PHLPP1: variants seen among roughly 807,000 people sequenced by gnomAD.
PHLPP1 encodes PH domain and leucine rich repeat protein phosphatase 1, also known as PH domain leucine-rich repeat-containing protein phosphatase 1.
In PHLPP1, 42 loss-of-function variants were observed where a neutral mutation model predicts 117.2. The observed-to-expected ratio is 0.36, with a 90% confidence interval of 0.28 to 0.46. The LOEUF is 0.46. Among genes scored for constraint, PHLPP1 ranks in the 20% least tolerant of loss-of-function variants. PHLPP1 has a pLI of 1.00. For synonymous variants in PHLPP1, 1,042 were observed against 970.7 expected (o/e 1.07, Z -1.37); for missense variants, 2,084 against 2,241.9 (o/e 0.93, Z 1.42).
chr18:62,811,035 A>G (rs1293680390), intron 1 of PHLPP1, among the ~76,000 whole-genome samples: 1 of 152,210 alleles, frequency 6.6e-6, no homozygotes, highest in Non-Finnish European at 1.5e-5. Context: ...GATATAGAGA[A>G]AAAGGTGATG....
intron 8 of PHLPP1, among the ~76,000 whole-genome samples, chr18:62,913,028 C>G (rs1917001570): frequency 6.6e-6 from 1 of 152,178 alleles, no homozygotes; most frequent in East Asian, 1.9e-4. Context: ...ATTGGAAACT[C>G]TTGTGTCATG....
At chr18:62,735,545 C>T (rs1911346776) in intron 1 of PHLPP1, among the ~76,000 whole-genome samples, 1 of 150,430 alleles carries the variant, frequency 6.6e-6, no homozygotes, top group Admixed American at 6.6e-5. Context: ...GCATACTTCC[C>T]CTTCCCAGCC....
chr18:62,747,435 G>A (rs1171848091), intron 1 of PHLPP1, among the ~76,000 whole-genome samples: 2 of 151,140 alleles, frequency 1.3e-5, no homozygotes, highest in South Asian at 2.1e-4. Context: ...GAGCCACAGC[G>A]CCCAGCCGAT....
chr18:62,975,536 G>A lies in PHLPP1; in HGVS notation c.3895G>A (p.Gly1299Arg), dbSNP rs988137454. The A allele has an allele frequency of 6.2e-7, 1 of 1,613,988 alleles. No individual in the cohort carries two copies. Among genetic ancestry groups the A allele is most frequent in the Non-Finnish European group, 8.5e-7 (1 of 1,179,854 alleles). Residue 1299 changes from glycine (G) to arginine (R), a missense_variant, in exon 16 of 17, where the codon GGA becomes AGA. Gly to Arg is a moderately radical substitution (Grantham distance 125). Coordinates refer to ENST00000262719, the MANE Select transcript of PHLPP1 (RefSeq NM_194449.4). ...GKCQTVLCRN[G>R]KPLPLSRSYI... ...GTGCCAAACAGTTCTCTGTCGAAATGGAAAGCCGCTGCCTCTGTCCAGATC... is the reference window on the plus strand; with the variant it reads ...GTGCCAAACAGTTCTCTGTCGAAATAGAAAGCCGCTGCCTCTGTCCAGATC...
At chr18:62,826,158 GTTT>G in intron 1 of PHLPP1, 3 of 276,844 alleles carry the variant, frequency 1.1e-5, no homozygotes, top group South Asian at 9.6e-5. Flanking sequence ...TTATTTATTT[GTTT>G]TTTTTTTTCT....
At chr18:62,957,507 C>T (rs558833522) in intron 12 of PHLPP1, among the ~76,000 whole-genome samples, 4 of 152,144 alleles carry the variant, frequency 2.6e-5, no homozygotes, top group African/African-American at 9.6e-5. Flanking sequence ...TTGCTTTTGC[C>T]AATTTCTTAT....
At chr18:62,838,745 G>C (rs1599075151) in intron 2 of PHLPP1, 39 bp from the exon 3 acceptor site, 2 of 1,606,864 alleles carry the variant, frequency 1.2e-6, no homozygotes, top group East Asian at 4.5e-5. Flanking sequence ...TGGTTCTGCT[G>C]TCTGACTTGT....
chr18:62,920,995 A>T (rs1909450950), intron 10 of PHLPP1, among the ~76,000 whole-genome samples: 1 of 152,234 alleles, frequency 6.6e-6, no homozygotes. Context: ...GTTGTTTTGA[A>T]TGGGAGGGAG....
intron 12 of PHLPP1, among the ~76,000 whole-genome samples, chr18:62,951,143 G>A (rs547268947): frequency 1.3e-5 from 2 of 151,898 alleles, no homozygotes; most frequent in African/African-American, 2.4e-5. Context: ...CACCACGCCC[G>A]GCTATTTTTT....
At chr18:62,873,036 T>C (rs892818787) in intron 4 of PHLPP1, among the ~76,000 whole-genome samples, 1 of 151,790 alleles carries the variant, frequency 6.6e-6, no homozygotes, top group Non-Finnish European at 1.5e-5. Context: ...CACTCCTTTT[T>C]ACACCTGCTG....
intron 6 of PHLPP1, among the ~76,000 whole-genome samples, chr18:62,897,961 GTTGT>G (rs1324430993): frequency 1.0e-5 from 1 of 95,484 alleles, no homozygotes; most frequent in Non-Finnish European, 2.9e-5. Context: ...TTGCATTGAT[GTTGT>G]TTGAGTTTGA....
chr18:62,781,497 C>A (rs558818645), intron 1 of PHLPP1, among the ~76,000 whole-genome samples: 1 of 152,184 alleles, frequency 6.6e-6, no homozygotes, highest in African/African-American at 2.4e-5. Flanking sequence ...CCACATCAGG[C>A]CTTTCCTGCC....
intron 3 of PHLPP1, among the ~76,000 whole-genome samples, chr18:62,849,603 T>A (rs1432359190): frequency 7.2e-6 from 1 of 137,932 alleles, no homozygotes; most frequent in Non-Finnish European, 1.5e-5. Flanking sequence ...GAAGCCAAGA[T>A]CGCACCATTG....
chr18:62,717,446 G>A (rs1456700826), intron 1 of PHLPP1, among the ~76,000 whole-genome samples, 187 bp downstream of exon 1: 5 of 152,108 alleles, frequency 3.3e-5, no homozygotes, highest in African/African-American at 1.2e-4. Context: ...AAATCTGCAC[G>A]TTTTATCAAT....
chr18:62,831,052 G>T (rs1280714253), intron 2 of PHLPP1, among the ~76,000 whole-genome samples: 1 of 152,134 alleles, frequency 6.6e-6, no homozygotes, highest in Admixed American at 6.5e-5. Context: ...CGGAGAAAAT[G>T]TGATGCAACG....
chr18:62,975,614 A>G lies in PHLPP1; in HGVS notation c.3973A>G (p.Ile1325Val). 2 of 1,607,574 alleles carry G rather than the reference A, an allele frequency of 1.2e-6. No individual in the cohort carries two copies. Among genetic ancestry groups the G allele is most frequent in the South Asian group, 2.2e-5 (2 of 90,970 alleles). ...ELKRIKQHKA[I>V]ITEDGKVNGV... ...GAAGAGGATTAAACAGCACAAGGCC[A>G]TTATCACTGAGGTGAGAAAACAGGG... Residue 1325 changes from isoleucine to valine, a missense_variant, in exon 16 of 17, where the codon ATT (isoleucine) becomes GTT (valine). By Grantham distance (29) the Ile-to-Val change is conservative. This residue lies in a region of PHLPP1 where 1,365 missense variants were observed against 1,605.9 expected (regional missense o/e 0.85). Transcript: ENST00000262719.
intron 2 of PHLPP1, among the ~76,000 whole-genome samples, chr18:62,835,135 T>C (rs1040008340): frequency 6.6e-6 from 1 of 152,118 alleles, no homozygotes; most frequent in Non-Finnish European, 1.5e-5. Context: ...TTTGTCTTAC[T>C]GTTACGGGCA....
At chr18:62,842,239 A>C (rs1209442731) in intron 3 of PHLPP1, among the ~76,000 whole-genome samples, 1 of 152,216 alleles carries the variant, frequency 6.6e-6, no homozygotes, top group African/African-American at 2.4e-5. Flanking sequence ...TGTCTGAACA[A>C]GTTACCTTTT....
At chr18:62,807,262 G>C (rs369350468) in intron 1 of PHLPP1, among the ~76,000 whole-genome samples, 1 of 151,694 alleles carries the variant, frequency 6.6e-6, no homozygotes, top group Non-Finnish European at 1.5e-5. Context: ...AATAATAATC[G>C]GTCTTAGTTT....
Sources: allele counts gnomAD v4.1 joint callset (sites outside exome capture counted in the v4.1 genomes callset), GRCh38; gene constraint gnomAD v4.1.1; regional missense constraint gnomAD v4.1.1; transcripts MANE v1.5; gene names NCBI Gene and HGNC (gene_info 2026-07-23, HGNC 2026-07-21).